TRPC7: variants seen among roughly 807,000 people sequenced by gnomAD.
TRPC7 encodes short transient receptor potential channel 7.
A neutral mutation model predicts 90.1 loss-of-function variants in TRPC7; 42 were observed. That is an observed-to-expected ratio of 0.47 (90% CI 0.36 to 0.60). The LOEUF (loss-of-function observed/expected upper bound fraction) is 0.60, where lower values mean the gene tolerates loss of function less well. Ranked by LOEUF, TRPC7 falls within the 20% of genes least tolerant of loss-of-function variation. The probability of loss-of-function intolerance (pLI) is 0.00; values close to 1 mark genes in which losing one functional copy is unlikely to be tolerated. For synonymous variants in TRPC7, 451 were observed against 436.3 expected (o/e 1.03, Z -0.42); for missense variants, 955 against 1,112.3 (o/e 0.86, Z 2.01).
chr5:136,234,002 G>A (rs1755902530), intron 7 of TRPC7, among the ~76,000 whole-genome samples: 1 of 152,126 alleles, frequency 6.6e-6, no homozygotes, highest in Non-Finnish European at 1.5e-5. Flanking sequence ...TACAAATCTC[G>A]AGGCTTTGCC....
At chr5:136,242,658 C>G (rs1756208113) in intron 7 of TRPC7, among the ~76,000 whole-genome samples, 1 of 152,178 alleles carries the variant, frequency 6.6e-6, no homozygotes, top group African/African-American at 2.4e-5. Context: ...GAGTGACTTC[C>G]ATCTCCCTAT....
chr5:136,266,562 G>A, intron 4 of TRPC7, 126 bp from the exon 5 acceptor site: 1 of 805,992 alleles, frequency 1.2e-6, no homozygotes, highest in Non-Finnish European at 2.0e-6. Flanking sequence ...ACTGCTAACT[G>A]AACCCATACA....
In TRPC7 at chr5:136,357,337, C is replaced by T. The variant is rs768347179; in HGVS notation, c.51G>A (p.Leu17=). 2.2e-5 allele frequency: 36 copies of T among 1,605,158 alleles called. No individual in the cohort carries two copies. The highest frequency in any genetic ancestry group is 3.1e-5 in the Non-Finnish European group (36 of 1,179,814). ...TGGCCTGGCGACGGCCCTTCTCCCTCAGCGTTGTGTGCCGGCGCTGCATGT... is the reference window on the plus strand; with the variant it reads ...TGGCCTGGCGACGGCCCTTCTCCCTTAGCGTTGTGTGCCGGCGCTGCATGT... The part of the protein sequence containing the change: ...FKNMQRRHTT[L]REKGRRQAIR... The change falls in exon 2 of 12, where the codon CTG becomes CTA. Residue 17 remains leucine, a synonymous_variant. Transcript: ENST00000513104.
chr5:136,350,247 T>A (rs1760146846), intron 2 of TRPC7, among the ~76,000 whole-genome samples: 1 of 152,122 alleles, frequency 6.6e-6, no homozygotes, highest in Admixed American at 6.5e-5. Context: ...ACATGGTTGG[T>A]AGGAGAGAGA....
At chr5:136,272,703 C>T (rs1344386948) in intron 4 of TRPC7, among the ~76,000 whole-genome samples, 1 of 152,046 alleles carries the variant, frequency 6.6e-6, no homozygotes, top group Non-Finnish European at 1.5e-5. Flanking sequence ...CTTCTGGGGG[C>T]ACCAAATGTC....
intron 4 of TRPC7, among the ~76,000 whole-genome samples, 196 bp downstream of exon 4, chr5:136,274,475 GAA>G (rs66630545): frequency 6.8e-6 from 1 of 146,498 alleles, no homozygotes; most frequent in Non-Finnish European, 1.5e-5. Flanking sequence ...CTCTCTCTTT[GAA>G]AAAAAAAAGA....
intron 2 of TRPC7, among the ~76,000 whole-genome samples, chr5:136,345,277 C>A (rs1456809076): frequency 3.2e-4 from 48 of 152,114 alleles, no homozygotes; most frequent in Admixed American, 3.1e-3. Context: ...CTATTCTGGC[C>A]AGGCACGGTG....
At chr5:136,293,246 C>T (rs1184025850) in intron 3 of TRPC7, among the ~76,000 whole-genome samples, 2 of 152,152 alleles carry the variant, frequency 1.3e-5, no homozygotes, top group Non-Finnish European at 2.9e-5. Context: ...GGGATGCCCT[C>T]TCTCACCACT....
At chr5:136,265,068 G>T (rs1375651314) in intron 5 of TRPC7, among the ~76,000 whole-genome samples, 1 of 152,146 alleles carries the variant, frequency 6.6e-6, no homozygotes, top group Non-Finnish European at 1.5e-5. Flanking sequence ...TTCTACTCTT[G>T]TAGCACTCTT....
At chr5:136,322,096 A>G (rs1759216265) in intron 2 of TRPC7, among the ~76,000 whole-genome samples, 1 of 151,768 alleles carries the variant, frequency 6.6e-6, no homozygotes, top group African/African-American at 2.4e-5. Context: ...CTCACAGCAA[A>G]CTCTGCCTCC....
chr5:136,360,882 A>G (rs943351223), intron 1 of TRPC7, among the ~76,000 whole-genome samples: 1 of 152,114 alleles, frequency 6.6e-6, no homozygotes, highest in Non-Finnish European at 1.5e-5. Context: ...TCTTACCCTA[A>G]TATCCCTCTA....
intron 2 of TRPC7, among the ~76,000 whole-genome samples, chr5:136,320,129 G>T (rs551591005): frequency 6.7e-6 from 1 of 149,906 alleles, no homozygotes; most frequent in Non-Finnish European, 1.5e-5. Context: ...ACCTTATTTA[G>T]TATTCCCTAT....
intron 2 of TRPC7, among the ~76,000 whole-genome samples, chr5:136,324,982 A>C (rs918544218): frequency 3.3e-5 from 5 of 152,220 alleles, no homozygotes; most frequent in Admixed American, 2.6e-4. Context: ...GGAAAGCTCC[A>C]ATTGAAATAC....
At chr5:136,301,695 A>T (rs1480046881) in intron 3 of TRPC7, among the ~76,000 whole-genome samples, 2 of 152,072 alleles carry the variant, frequency 1.3e-5, no homozygotes, top group African/African-American at 4.8e-5. Flanking sequence ...CTATCCCAAA[A>T]CCTATAAGAA....
At position 136,212,836 on chromosome 5, in the gene TRPC7, TTTG is replaced by T. The variant is rs140562618; in HGVS notation, c.*596_*598del. On this transcript the variant is annotated 3_prime_UTR_variant, in exon 12 of 12. Transcript: ENST00000513104. ...AAAGGTAAAAATACATCATTTGGAT[TTTG>T]TTGTTGTTTTCTAAACAGTGCTACC... is the stretch of plus-strand genomic sequence containing the variant. 0.01 allele frequency among the ~76,000 whole-genome samples: 1,585 copies of T among 152,336 alleles called. 13 individuals are homozygous for T. Among genetic ancestry groups the T allele is most frequent in the East Asian group, 0.026 (133 of 5,194 alleles).
intron 3 of TRPC7, among the ~76,000 whole-genome samples, chr5:136,290,746 A>G (rs2149824248): frequency 6.6e-6 from 1 of 152,346 alleles, no homozygotes; most frequent in African/African-American, 2.4e-5. Flanking sequence ...AACTTCCCCC[A>G]TCTAGCAAGG....
chr5:136,302,091 T>G (rs1277438083), intron 3 of TRPC7, among the ~76,000 whole-genome samples: 1 of 152,324 alleles, frequency 6.6e-6, no homozygotes, highest in African/African-American at 2.4e-5. Flanking sequence ...TAATTTCAAT[T>G]CCTTTCATTT....
intron 2 of TRPC7, among the ~76,000 whole-genome samples, chr5:136,317,644 C>G (rs1253104503): frequency 6.6e-6 from 1 of 152,308 alleles, no homozygotes; most frequent in East Asian, 1.9e-4. Flanking sequence ...AACCCCGTAA[C>G]TTTATTACCC....
chr5:136,332,729 T>C lies in TRPC7; in HGVS notation c.781-16950A>G, dbSNP rs1414012807. Among the ~76,000 whole-genome samples, 5 of 152,328 alleles carry C rather than the reference T, an allele frequency of 3.3e-5. No homozygotes were observed. The East Asian group carries it at 9.6e-4, about 29-fold the overall frequency. ...GCTTGAGCAACTAGAAAGATAGAGT[T>C]ACTATTTGTAAAACATGCACTAGGA... On this transcript the variant is annotated intron_variant, in intron 2 of 11. Transcript: ENST00000513104.
Sources: allele counts gnomAD v4.1 joint callset (sites outside exome capture counted in the v4.1 genomes callset), GRCh38; gene constraint gnomAD v4.1.1; transcripts MANE v1.5; gene names NCBI Gene and HGNC (gene_info 2026-07-23, HGNC 2026-07-21).